SLC6A19: variants seen among roughly 807,000 people sequenced by gnomAD.
The protein encoded by SLC6A19 is sodium-dependent neutral amino acid transporter B(0)AT1.
In SLC6A19, 67 loss-of-function variants were observed where a neutral mutation model predicts 68.3. The ratio of observed to expected loss-of-function variants is 0.98; its 90% CI spans 0.81 to 1.20. The LOEUF (loss-of-function observed/expected upper bound fraction) is 1.20. SLC6A19 is among the 50% of genes most tolerant of loss of function. The pLI is 0.00. For synonymous variants in SLC6A19, 392 were observed against 374.9 expected (o/e 1.05, Z -0.53); for missense variants, 813 against 851.6 (o/e 0.95, Z 0.56).
intron 1 of SLC6A19, among the ~76,000 whole-genome samples, chr5:1,203,423 C>T (rs1018030887): frequency 4.6e-5 from 7 of 152,164 alleles, no homozygotes; most frequent in Non-Finnish European, 7.4e-5. Context: ...CAGCGGGCAG[C>T]GGGCAGCGGG....
intron 10 of SLC6A19, among the ~76,000 whole-genome samples, chr5:1,220,482 C>T (rs1319954794): frequency 6.6e-6 from 1 of 152,026 alleles, no homozygotes; most frequent in Non-Finnish European, 1.5e-5. Flanking sequence ...AGGCACAGCC[C>T]TGCAGGCTCC....
rs774378385 is a variant in SLC6A19 at position 1,221,724 on chromosome 5, G to A, written c.1725G>A (p.Lys575=). 49 of 1,613,922 alleles carry A rather than the reference G, an allele frequency of 3.0e-5. No homozygotes were observed. The highest frequency in any genetic ancestry group is 3.8e-5 in the Non-Finnish European group (45 of 1,179,918). Residue 575 remains lysine, a synonymous_variant, in exon 12 of 12, where the codon AAG becomes AAA. Transcript: ENST00000304460. ...AGGAGGAATTTCCCAAATCCCAGAA[G>A]ATCTCCTACCCGAACTGGGTGTATG... is the stretch of plus-strand genomic sequence containing the variant. ...PGYEEFPKSQ[K]ISYPNWVYVV...
In SLC6A19 at chr5:1,224,409, A is replaced by G. The variant is rs1159621166; in HGVS notation, c.*2505A>G. ...CACCCTAGAAGTTACTGTTGTCCAG[A>G]CGTAGAGGGATGAGTGAGCCAGTGA... On this transcript the variant is annotated 3_prime_UTR_variant, in exon 12 of 12. Transcript: ENST00000304460. The G allele has an allele frequency of 6.6e-6, 1 of 152,260 alleles. No homozygotes were observed. Among genetic ancestry groups the G allele is most frequent in the Admixed American group, 6.5e-5 (1 of 15,286 alleles). 9.4% of individuals were successfully genotyped at this position (152,260 alleles called of 1,614,324 possible). A position where few individuals can be genotyped will look rare whatever the true frequency, so the allele number is the denominator to read the frequency against.
Position 1,218,266 on chromosome 5 carries a change from C to T in SLC6A19, c.1174-637C>T, listed in dbSNP as rs372385666. Among the ~76,000 whole-genome samples the T allele has an allele frequency of 2.0e-4, 31 of 152,352 alleles. No homozygotes were observed. In the South Asian group the frequency reaches 6.4e-3, roughly 32 times the overall value. On this transcript the variant is annotated intron_variant, in intron 8 of 11. Coordinates refer to ENST00000304460, the MANE Select transcript of SLC6A19 (RefSeq NM_001003841.3). Reference sequence around the variant, plus strand: ...ATGGGTCCTTGAGTCCTGCCATATCCAATCCCTGAGCCAGTTCCCTGCAGG... The same window carrying T: ...ATGGGTCCTTGAGTCCTGCCATATCTAATCCCTGAGCCAGTTCCCTGCAGG...
At position 1,215,470 on chromosome 5, in the gene SLC6A19, G is replaced by T. The variant is rs1441823848; in HGVS notation, c.888-1088G>T. Among the ~76,000 whole-genome samples the T allele has an allele frequency of 6.6e-6, 1 of 152,232 alleles. No homozygotes were observed. Among genetic ancestry groups the T allele is most frequent in the Admixed American group, 6.5e-5 (1 of 15,290 alleles). ...CTCTCTGCCTCTGTGGCTGTGCCTAGTCCGGACATTTCCTGCGAATGGGGT... is the reference window on the plus strand; with the variant it reads ...CTCTCTGCCTCTGTGGCTGTGCCTATTCCGGACATTTCCTGCGAATGGGGT... On this transcript the variant is annotated intron_variant, in intron 6 of 11. Transcript: ENST00000304460. The surrounding 1 kb of genome is among the most constrained non-coding windows in gnomAD (Gnocchi z 5.1).
chr5:1,217,042 G>C (rs1365843764), intron 8 of SLC6A19, 97 bp downstream of exon 8: 25 of 1,583,362 alleles, frequency 1.6e-5, no homozygotes, highest in Middle Eastern at 4.5e-4. Flanking sequence ...GGAGGACGCA[G>C]ATGCTGAGCT....
chr5:1,217,346 T>C (rs888612739), intron 8 of SLC6A19, among the ~76,000 whole-genome samples: 5 of 152,260 alleles, frequency 3.3e-5, no homozygotes, highest in African/African-American at 7.2e-5. Context: ...AGGTTTTATT[T>C]TGGACTGGCG....
chr5:1,221,963 C>A lies in SLC6A19; in HGVS notation c.*59C>A. The A allele has an allele frequency of 1.3e-6, 2 of 1,586,358 alleles. No homozygotes were observed. The highest frequency in any genetic ancestry group is 2.2e-5 in the South Asian group (2 of 88,972). On this transcript the variant is annotated 3_prime_UTR_variant, in exon 12 of 12. Transcript: ENST00000304460. The stretch of plus-strand genomic sequence containing the variant: ...GTCAGGGAAGGAGGAACCAGCAAGA[C>A]CTGTGGGGTGGGGGCCGGGCTGCAC...
At chr5:1,221,098 C>T (rs903382090) in intron 10 of SLC6A19, 53 bp from the exon 11 acceptor site, 119 of 1,594,956 alleles carry the variant, frequency 7.5e-5, no homozygotes, top group South Asian at 1.7e-4. Flanking sequence ...GAAAGCTTAG[C>T]GAGTTGAAGC....
Position 1,222,393 on chromosome 5 carries a change from A to G in SLC6A19, c.*489A>G. ...ACAATGGGTGTCCACATGCACGTGT[A>G]TATGTATATCTGTGAGTGTATATAC... On this transcript the variant is annotated 3_prime_UTR_variant, in exon 12 of 12. Transcript: ENST00000304460. 2 of 462,296 alleles carry G rather than the reference A, an allele frequency of 4.3e-6. No individual in the cohort carries two copies. Among genetic ancestry groups the G allele is most frequent in the Admixed American group, 3.7e-5 (1 of 27,044 alleles). 28.6% of individuals were successfully genotyped at this position (462,296 alleles called of 1,614,324 possible). A position where few individuals can be genotyped will look rare whatever the true frequency, so the allele number is the denominator to read the frequency against.
rs4975629 is a variant in SLC6A19, at chr5:1,216,660, A to T, written c.990A>T (p.Thr330=). 5 of 1,613,884 alleles carry T rather than the reference A, an allele frequency of 3.1e-6. No homozygotes were observed. The highest frequency in any genetic ancestry group is 4.2e-6 in the Non-Finnish European group (5 of 1,180,036). The change falls in exon 7 of 12, where the codon ACA becomes ACT. Residue 330 remains threonine, a synonymous_variant. Coordinates refer to ENST00000304460, the MANE Select transcript of SLC6A19 (RefSeq NM_001003841.3). ...ACTCCGTCATTGGGTTCCGCGCCAC[A>T]CAGCGCTACGACGACTGCTTCAGCA... ...VVYSVIGFRA[T]QRYDDCFSTN...
intron 7 of SLC6A19, 27 bp downstream of exon 7, chr5:1,216,713 G>A: frequency 6.2e-7 from 1 of 1,613,634 alleles, no homozygotes; most frequent in Non-Finnish European, 8.5e-7. Context: ...CCATCCTGGT[G>A]CCTTGGGCTG....
chr5:1,212,205 C>T lies in SLC6A19; in HGVS notation c.482-98C>T. ...GTGGGCGTGTCACTGGTGTCAAGGC[C>T]TCTGGAACGTGGCTGGCATTTCTTC... On this transcript the variant is annotated intron_variant, in intron 3 of 11. Coordinates refer to ENST00000304460, the MANE Select transcript of SLC6A19 (RefSeq NM_001003841.3). This position sits in a 1 kb window ranked among gnomAD's most constrained non-coding sequence, Gnocchi z 5.1. 6.7e-7 allele frequency: 1 copy of T among 1,503,388 alleles called. No homozygotes were observed. The highest frequency in any genetic ancestry group is 1.4e-5 in the African/African-American group (1 of 73,050). The allele number at this position is 1,503,388 out of a possible 1,614,324, so 93.1% of individuals were successfully genotyped here. A position where few individuals can be genotyped will look rare whatever the true frequency, so the allele number is the denominator to read the frequency against.
Position 1,222,044 on chromosome 5 carries a change from G to A in SLC6A19, c.*140G>A, listed in dbSNP as rs556002986. 295 of 926,724 alleles carry A rather than the reference G, an allele frequency of 3.2e-4. 1 individual carries two copies. The highest frequency in any genetic ancestry group is 2.4e-3 in the East Asian group (92 of 37,846). 57.4% of individuals were successfully genotyped at this position (926,724 alleles called of 1,614,324 possible). ...GTGTGTGAGTGTGTGTATTGTACAC[G>A]CATGTGCCATGTGTGCAGATATGTA... On this transcript the variant is annotated 3_prime_UTR_variant, in exon 12 of 12. Transcript: ENST00000304460.
chr5:1,214,491 C>A lies in SLC6A19; in HGVS notation c.887+426C>A, dbSNP rs115974489. ...CTGCCCCTTCCCCACGTACCCACTG[C>A]GCTTCCCAATGCCCCTGGGAAGGAT... On this transcript the variant is annotated intron_variant, in intron 6 of 11. Transcript: ENST00000304460. This position sits in a 1 kb window ranked among gnomAD's most constrained non-coding sequence, Gnocchi z 7.4. Among the ~76,000 whole-genome samples, 2 of 152,186 alleles carry A rather than the reference C, an allele frequency of 1.3e-5. No homozygotes were observed. The highest frequency in any genetic ancestry group is 4.8e-5 in the African/African-American group (2 of 41,444).
Position 1,222,264 on chromosome 5 carries a change from C to T in SLC6A19, c.*360C>T, listed in dbSNP as rs1746409214. ...TGCATATACATGTGTGCGATATTTG[C>T]TGCCCGTGTGTGTGCATGTATATAT... On this transcript the variant is annotated 3_prime_UTR_variant, in exon 12 of 12. Coordinates refer to ENST00000304460, the MANE Select transcript of SLC6A19 (RefSeq NM_001003841.3). 1.1e-5 allele frequency: 6 copies of T among 562,420 alleles called. No individual in the cohort carries two copies. Among genetic ancestry groups the T allele is most frequent in the Non-Finnish European group, 1.9e-5 (6 of 318,780 alleles). The allele number at this position is 562,420 out of a possible 1,614,324, so 34.8% of individuals were successfully genotyped here. A position where few individuals can be genotyped will look rare whatever the true frequency, so the allele number is the denominator to read the frequency against.
Position 1,215,416 on chromosome 5 carries a change from T to C in SLC6A19, c.888-1142T>C, listed in dbSNP as rs1182196815. ...TGAGCAGCCGCTCCCCAGTGCCCTG[T>C]CCTCCTGCCCCGGGTGAGCACTGAT... On this transcript the variant is annotated intron_variant, in intron 6 of 11. Transcript: ENST00000304460. The surrounding 1 kb of genome is among the most constrained non-coding windows in gnomAD (Gnocchi z 5.1). Among the ~76,000 whole-genome samples the C allele has an allele frequency of 6.6e-6, 1 of 152,186 alleles. No individual in the cohort carries two copies. The highest frequency in any genetic ancestry group is 1.5e-5 in the Non-Finnish European group (1 of 68,020).
intron 3 of SLC6A19, 117 bp downstream of exon 3, chr5:1,210,698 C>A: frequency 1.4e-6 from 2 of 1,442,730 alleles, no homozygotes; most frequent in Non-Finnish European, 1.9e-6. Context: ...AGCCCCAAGG[C>A]AACAGGGTGT....
At chr5:1,221,361 G>C (rs1184383551) in intron 11 of SLC6A19, 48 bp downstream of exon 11, 1 of 1,603,736 alleles carries the variant, frequency 6.2e-7, no homozygotes, top group Non-Finnish European at 8.5e-7. Flanking sequence ...ATGGGGAAGG[G>C]GAAAGGAGGA....
Sources: gnomAD v4.1 joint callset for allele counts (sites outside exome capture counted in the v4.1 genomes callset) on GRCh38, gnomAD v4.1.1 for gene constraint, Gnocchi (gnomAD v3.1) non-coding constraint, MANE v1.5 for transcripts, NCBI Gene and HGNC (gene_info 2026-07-23, HGNC 2026-07-21) for gene names.